The following MTUS2 variants were observed in gnomAD, a reference collection of about 807,000 sequenced individuals.
The protein encoded by MTUS2 is microtubule-associated tumor suppressor candidate 2.
MTUS2 carries 40 observed loss-of-function variants against 114.1 expected under a neutral mutation model. The ratio of observed to expected loss-of-function variants is 0.35; its 90% confidence interval spans 0.27 to 0.46. MTUS2 has a LOEUF of 0.46. Among genes scored for constraint, MTUS2 ranks in the 20% least tolerant of loss-of-function variants. MTUS2 has a pLI of 1.00. For synonymous variants in MTUS2, 688 were observed against 672.0 expected, an observed-to-expected ratio of 1.02 and a Z score of -0.37; for missense variants, 1,679 against 1,705.4, an observed-to-expected ratio of 0.98 and a Z score of 0.27.
chr13:29,040,608 A>G (rs1887307376), intron 4 of MTUS2, among the ~76,000 whole-genome samples: 2 of 152,210 alleles, frequency 1.3e-5, no homozygotes, highest in East Asian at 1.9e-4. Context: ...TTTTCACCAC[A>G]TCCACACCAA....
intron 5 of MTUS2, among the ~76,000 whole-genome samples, chr13:29,214,240 C>T (rs1895584052): frequency 6.6e-6 from 1 of 151,134 alleles, no homozygotes; most frequent in Non-Finnish European, 1.5e-5. Context: ...TTATTTTGAG[C>T]CTATGTGTGT....
chr13:29,151,746 A>T (rs1338048106), intron 5 of MTUS2, among the ~76,000 whole-genome samples: 1 of 152,090 alleles, frequency 6.6e-6, no homozygotes, highest in Non-Finnish European at 1.5e-5. Flanking sequence ...ATCATAAAGG[A>T]ATTTTGGATT....
chr13:29,406,959 A>C (rs967511386), intron 8 of MTUS2, among the ~76,000 whole-genome samples: 2 of 152,142 alleles, frequency 1.3e-5, no homozygotes, highest in African/African-American at 2.4e-5. Context: ...ATTGAAAGAC[A>C]TTTAGGCCGG....
chr13:29,401,996 T>C (rs959483568), intron 8 of MTUS2, among the ~76,000 whole-genome samples: 1 of 152,200 alleles, frequency 6.6e-6, no homozygotes, highest in African/African-American at 2.4e-5. Context: ...TATTACCTCA[T>C]TTACTCAATA....
chr13:28,983,858 A>T (rs1438210965), intron 2 of MTUS2, among the ~76,000 whole-genome samples: 1 of 152,232 alleles, frequency 6.6e-6, no homozygotes, highest in Non-Finnish European at 1.5e-5. Flanking sequence ...GCTGCCAAGC[A>T]CCTTGACCTT....
chr13:29,445,979 G>T (rs1878251257), intron 9 of MTUS2, among the ~76,000 whole-genome samples: 1 of 151,896 alleles, frequency 6.6e-6, no homozygotes, highest in East Asian at 1.9e-4. Context: ...CCTGGAAGTT[G>T]GTGGGTGGGA....
intron 4 of MTUS2, among the ~76,000 whole-genome samples, chr13:29,080,019 A>G (rs1026679650): frequency 6.6e-6 from 1 of 152,214 alleles, no homozygotes; most frequent in Admixed American, 6.5e-5. Context: ...AAGACTTCCA[A>G]TCCATGAACA....
At chr13:29,214,904 C>T (rs774371014) in intron 5 of MTUS2, among the ~76,000 whole-genome samples, 2 of 152,042 alleles carry the variant, frequency 1.3e-5, no homozygotes, top group Non-Finnish European at 2.9e-5. Context: ...TGAATATTGG[C>T]CTGTATTGCT....
At chr13:29,014,541 A>G (rs1466734089) in intron 2 of MTUS2, among the ~76,000 whole-genome samples, 1 of 152,198 alleles carries the variant, frequency 6.6e-6, no homozygotes, top group African/African-American at 2.4e-5. Context: ...CAATGAACCA[A>G]TAAACAAACA....
At chr13:29,041,582 A>G (rs555075718) in intron 4 of MTUS2, among the ~76,000 whole-genome samples, 1 of 152,176 alleles carries the variant, frequency 6.6e-6, no homozygotes, top group African/African-American at 2.4e-5. Context: ...TGAGCATGGC[A>G]TATGTTTCCA....
chr13:28,826,770 G>A (rs1874297438), intron 1 of MTUS2, among the ~76,000 whole-genome samples: 1 of 152,162 alleles, frequency 6.6e-6, no homozygotes, highest in African/African-American at 2.4e-5. Flanking sequence ...AAGTACAATA[G>A]AGAAAGCCAG....
intron 5 of MTUS2, among the ~76,000 whole-genome samples, chr13:29,247,933 A>G (rs73168222): frequency 6.6e-6 from 1 of 151,922 alleles, no homozygotes; most frequent in Non-Finnish European, 1.5e-5. Context: ...CGTTTTAGGA[A>G]AAAGACACTT....
intron 6 of MTUS2, among the ~76,000 whole-genome samples, chr13:29,292,689 ATTTG>A (rs1368771089): frequency 6.6e-6 from 1 of 152,168 alleles, no homozygotes; most frequent in African/African-American, 2.4e-5. Flanking sequence ...ACTTTCTATT[ATTTG>A]TTTAATTGTT....
intron 5 of MTUS2, among the ~76,000 whole-genome samples, chr13:29,272,216 A>G (rs761465419): frequency 6.6e-6 from 1 of 152,242 alleles, no homozygotes; most frequent in Non-Finnish European, 1.5e-5. Flanking sequence ...ATTATCACCA[A>G]GTGATAAATG....
intron 4 of MTUS2, among the ~76,000 whole-genome samples, chr13:29,093,337 A>T (rs1890046176): frequency 6.6e-6 from 1 of 152,016 alleles, no homozygotes; most frequent in Non-Finnish European, 1.5e-5. Flanking sequence ...CAGCTATTCG[A>T]GAGGCTGAGG....
In MTUS2 at chr13:28,992,901, C is replaced by T. The variant is rs188220156; in HGVS notation, c.-242-31556C>T. ...AAAAACTTTCCATCTCTCCCCACAGCCCCTGGCAATGACCATTTTACTTTC... is the reference window on the plus strand; with the variant it reads ...AAAAACTTTCCATCTCTCCCCACAGTCCCTGGCAATGACCATTTTACTTTC... On this transcript the variant is annotated intron_variant, in intron 2 of 15. Transcript: ENST00000612955. Among the ~76,000 whole-genome samples the T allele has an allele frequency of 7.9e-5, 12 of 152,266 alleles. No homozygotes were observed. The East Asian group carries it at 2.3e-3, about 29-fold the overall frequency.
chr13:28,942,446 A>G (rs990965374), intron 2 of MTUS2, among the ~76,000 whole-genome samples: 2 of 152,268 alleles, frequency 1.3e-5, no homozygotes, highest in African/African-American at 4.8e-5. Context: ...CTTATAGACT[A>G]GTAATTACAT....
At chr13:29,047,017 C>A (rs1025842859) in intron 4 of MTUS2, among the ~76,000 whole-genome samples, 3 of 152,180 alleles carry the variant, frequency 2.0e-5, no homozygotes, top group African/African-American at 7.2e-5. Context: ...TCTCGTGCCC[C>A]CTTGTTCAGG....
Position 29,359,434 on chromosome 13 carries a change from T to C in MTUS2, c.3078T>C (p.Phe1026=), listed in dbSNP as rs2138228038. The change falls in exon 8 of 16, where the codon TTT becomes TTC. Residue 1026 remains phenylalanine (F), a synonymous_variant. Transcript: ENST00000612955. Reference sequence around the variant, plus strand: ...AGCTGAAGAGGGCCATCTGCGGCTTTGATGCCCTCGCCGTGGCCACGCAGC... The same window carrying C: ...AGCTGAAGAGGGCCATCTGCGGCTTCGATGCCCTCGCCGTGGCCACGCAGC... ...QGELKRAICG[F]DALAVATQHF... The C allele has an allele frequency of 1.9e-6, 3 of 1,612,992 alleles. No homozygotes were observed. The highest frequency in any genetic ancestry group is 2.5e-6 in the Non-Finnish European group (3 of 1,179,630).
Sources: gnomAD v4.1 joint callset for allele counts (sites outside exome capture counted in the v4.1 genomes callset) on GRCh38, gnomAD v4.1.1 for gene constraint, MANE v1.5 for transcripts, NCBI Gene and HGNC (gene_info 2026-07-23, HGNC 2026-07-21) for gene names.